Variants in GOLGA3 observed in about 807,000 individuals in gnomAD.
GOLGA3 encodes the protein golgin subfamily A member 3.
GOLGA3 carries 75 observed loss-of-function variants against 169.4 expected under a neutral mutation model. That is an observed-to-expected ratio of 0.44 (90% CI 0.37 to 0.54). The LOEUF (loss-of-function observed/expected upper bound fraction) is 0.54. Among genes scored for constraint, GOLGA3 ranks in the 20% least tolerant of loss-of-function variants. The pLI, the probability that GOLGA3 is intolerant of heterozygous loss-of-function variation, is 0.00. For synonymous variants in GOLGA3, 824 were observed against 822.4 expected (o/e 1.00, Z -0.03); for missense variants, 1,899 against 1,930.0 (o/e 0.98, Z 0.30).
chr12:132,804,948 G>C lies in GOLGA3; in HGVS notation c.1365C>G (p.Cys455Trp). 6.2e-7 allele frequency: 1 copy of C among 1,613,340 alleles called. No individual in the cohort carries two copies. Among genetic ancestry groups the C allele is most frequent in the Non-Finnish European group, 8.5e-7 (1 of 1,179,980 alleles). ...LSTKLQAQVE[C>W]SHSSQQRQDS... ...CCTGCCGCTGCTGGCTGCTGTGGCTGCACTCCACCTGCGCCTGCAGCTTCG... is the reference window on the plus strand; with the variant it reads ...CCTGCCGCTGCTGGCTGCTGTGGCTCCACTCCACCTGCGCCTGCAGCTTCG... The change falls in exon 7 of 24, where the codon TGC becomes TGG. Residue 455 changes from cysteine (C) to tryptophan (W), a missense_variant. Physicochemically the swap from Cys to Trp is radical, Grantham distance 215. Coordinates refer to ENST00000450791, the MANE Select transcript of GOLGA3 (RefSeq NM_001389683.1). The surrounding 1 kb of genome is among the most constrained non-coding windows in gnomAD (Gnocchi z 4.1).
At position 132,769,057 on chromosome 12, in the gene GOLGA3, T is replaced by A. The variant is rs140188251; in HGVS notation, c.*4048A>T. 11 of 152,640 alleles carry A rather than the reference T, an allele frequency of 7.2e-5. No individual in the cohort carries two copies. Among genetic ancestry groups the A allele is most frequent in the African/African-American group, 2.7e-4 (11 of 41,470 alleles). 9.5% of individuals were successfully genotyped at this position (152,640 alleles called of 1,614,324 possible). A position where few individuals can be genotyped will look rare whatever the true frequency, so the allele number is the denominator to read the frequency against. On this transcript the variant is annotated 3_prime_UTR_variant, in exon 24 of 24. Coordinates refer to ENST00000450791, the MANE Select transcript of GOLGA3 (RefSeq NM_001389683.1). ...CCAAGAACAGCCACAACTTGAGGAC[T>A]CTCTTTTGTGAGGAAATTTTTAATA...
Position 132,769,675 on chromosome 12 carries a change from A to T in GOLGA3, c.*3430T>A, listed in dbSNP as rs2044811753. 6.6e-6 allele frequency: 1 copy of T among 152,216 alleles called. No homozygotes were observed. The highest frequency in any genetic ancestry group is 1.5e-5 in the Non-Finnish European group (1 of 68,038). The allele number at this position is 152,216 out of a possible 1,614,324, so 9.4% of individuals were successfully genotyped here. On this transcript the variant is annotated 3_prime_UTR_variant, in exon 24 of 24. Transcript: ENST00000450791. ...GTGAAGTGCCCTAGCCTGTTGTGAC[A>T]CACGGTGTGGGGATGAACACGCCGC... is the stretch of plus-strand genomic sequence containing the variant.
chr12:132,780,646 A>T, intron 18 of GOLGA3, 152 bp downstream of exon 18: 1 of 666,686 alleles, frequency 1.5e-6, no homozygotes, highest in Non-Finnish European at 2.7e-6. Context: ...GGACCAGAGC[A>T]GGTGCTCTGC....
At chr12:132,811,630 T>C (rs1471868209) in intron 4 of GOLGA3, among the ~76,000 whole-genome samples, 4 of 151,874 alleles carry the variant, frequency 2.6e-5, no homozygotes, top group Non-Finnish European at 5.9e-5. Context: ...CCGGCTAATT[T>C]TTTGTATTTT....
chr12:132,780,938 G>A lies in GOLGA3; in HGVS notation c.3466-24C>T, dbSNP rs768051554. 22 of 1,546,314 alleles carry A rather than the reference G, an allele frequency of 1.4e-5. No individual in the cohort carries two copies. In the South Asian group the frequency reaches 2.2e-4, roughly 16 times the overall value. On this transcript the variant is annotated intron_variant, in intron 17 of 23. Transcript: ENST00000450791. ...ACCTAGATCAGATTGCAGGAGGACA[G>A]ATAAGGAAGGACGTCGAATTACAAA...
chr12:132,791,857 C>T (rs1177338109), intron 11 of GOLGA3, among the ~76,000 whole-genome samples: 1 of 138,824 alleles, frequency 7.2e-6, no homozygotes, highest in African/African-American at 2.6e-5. Context: ...AGAGTTGTTA[C>T]ACTGAGGGCT....
rs2044843749 is a variant in GOLGA3 at position 132,770,311 on chromosome 12, G to A, written c.*2794C>T. 1 of 149,732 alleles carries A rather than the reference G, an allele frequency of 6.7e-6. No individual in the cohort carries two copies. Among genetic ancestry groups the A allele is most frequent in the Non-Finnish European group, 1.5e-5 (1 of 67,996 alleles). 9.3% of individuals were successfully genotyped at this position (149,732 alleles called of 1,614,324 possible). A position where few individuals can be genotyped will look rare whatever the true frequency, so the allele number is the denominator to read the frequency against. On this transcript the variant is annotated 3_prime_UTR_variant, in exon 24 of 24. Coordinates refer to ENST00000450791, the MANE Select transcript of GOLGA3 (RefSeq NM_001389683.1). Reference sequence around the variant, plus strand: ...GGAAGTGTCCGCGTGAACACGAGAGGCCTCAGATCCAGAAGCACAAGCCGT... The same window carrying A: ...GGAAGTGTCCGCGTGAACACGAGAGACCTCAGATCCAGAAGCACAAGCCGT...
intron 1 of GOLGA3, among the ~76,000 whole-genome samples, chr12:132,826,907 A>G (rs1334561097): frequency 6.6e-6 from 1 of 152,220 alleles, no homozygotes; most frequent in African/African-American, 2.4e-5. Context: ...ACATGGCTCT[A>G]TTTTAAATAA....
intron 1 of GOLGA3, among the ~76,000 whole-genome samples, chr12:132,824,170 C>T (rs1301949908): frequency 6.6e-6 from 1 of 152,216 alleles, no homozygotes; most frequent in Non-Finnish European, 1.5e-5. Context: ...CAGGACGTGC[C>T]TGTCTTTCTA....
At chr12:132,828,393 G>A (rs961274019) in intron 1 of GOLGA3, 3 of 152,380 alleles carry the variant, frequency 2.0e-5, no homozygotes, top group African/African-American at 7.2e-5. Flanking sequence ...CAGCGACAAA[G>A]ACAAACAAGG....
rs983937340 is a variant in GOLGA3 at position 132,813,155 on chromosome 12, A to C, written c.519+152T>G. The C allele has an allele frequency of 2.1e-5, 13 of 618,216 alleles. No individual in the cohort carries two copies. In the African/African-American group the frequency reaches 2.4e-4, roughly 11 times the overall value. The allele number at this position is 618,216 out of a possible 1,614,324, so 38.3% of individuals were successfully genotyped here. ...CCCGTGTTTGCTTTCTTTGCTTTTC[A>C]ATTGGCAGATTTAGAAATAAAATGT... On this transcript the variant is annotated intron_variant, in intron 4 of 23. Coordinates refer to ENST00000450791, the MANE Select transcript of GOLGA3 (RefSeq NM_001389683.1).
At chr12:132,789,556 G>A (rs73487190) in intron 12 of GOLGA3, among the ~76,000 whole-genome samples, 43 of 152,348 alleles carry the variant, frequency 2.8e-4, no homozygotes, top group African/African-American at 9.1e-4. Context: ...ATTCCAAGGA[G>A]TCTGGCTCTC....
intron 1 of GOLGA3, among the ~76,000 whole-genome samples, chr12:132,826,502 C>T (rs1950421791): frequency 6.6e-6 from 1 of 151,848 alleles, no homozygotes; most frequent in South Asian, 2.1e-4. Flanking sequence ...AACATGGTGA[C>T]AGCCAACCGC....
chr12:132,795,397 T>C (rs7133384), intron 11 of GOLGA3, among the ~76,000 whole-genome samples: 99,730 of 149,844 alleles, frequency 0.67, 33,465 homozygotes, highest in East Asian at 0.8. Flanking sequence ...GAGACTGAGG[T>C]GGGCGGATCA....
Position 132,804,803 on chromosome 12 carries a change from C to A in GOLGA3, c.1510G>T (p.Asp504Tyr). 2 of 1,614,212 alleles carry A rather than the reference C, an allele frequency of 1.2e-6. No individual in the cohort carries two copies. Among genetic ancestry groups the A allele is most frequent in the Non-Finnish European group, 8.5e-7 (1 of 1,180,034 alleles). ...KNASLASSNN[D>Y]LQVAEEQYQR... is the part of the protein sequence containing the mutation. ...TACTGCTCCTCGGCCACCTGCAAGT[C>A]GTTGTTGGACGACGCCAGGCTGGCA... Residue 504 changes from aspartate (D) to tyrosine (Y), a missense_variant, in exon 7 of 24, where the codon GAC becomes TAC. Physicochemically the swap from Asp to Tyr is radical, Grantham distance 160. Coordinates refer to ENST00000450791, the MANE Select transcript of GOLGA3 (RefSeq NM_001389683.1). The surrounding 1 kb of genome is among the most constrained non-coding windows in gnomAD (Gnocchi z 4.1).
intron 8 of GOLGA3, among the ~76,000 whole-genome samples, chr12:132,798,778 C>A (rs1480206855): frequency 6.6e-6 from 1 of 152,130 alleles, no homozygotes; most frequent in Non-Finnish European, 1.5e-5. Flanking sequence ...CATCTCTGAG[C>A]CCCTGTGGGT....
chr12:132,772,558 A>AC lies in GOLGA3; in HGVS notation c.*546_*547insG, dbSNP rs1389744118. The AC allele has an allele frequency of 3.3e-5, 5 of 151,874 alleles. No individual in the cohort carries two copies. The highest frequency in any genetic ancestry group is 2.9e-5 in the Non-Finnish European group (2 of 67,990). The allele number at this position is 151,874 out of a possible 1,614,324, so 9.4% of individuals were successfully genotyped here. On this transcript the variant is annotated 3_prime_UTR_variant, in exon 24 of 24. Transcript: ENST00000450791. ...GACTCTGTCTCAAAAAAAAAAAAAA[A>AC]AAAAAAACAAAGATTGGATTATGAT...
Position 132,787,811 on chromosome 12 carries a change from AG to A in GOLGA3, c.2812-1025del, listed in dbSNP as rs869070864. Reference sequence around the variant, plus strand: ...CGGAGACCACGGGACCCCTCCCCGGAGACCCCGGGACCCCTCCCCGGAGACC... The same window carrying A: ...CGGAGACCACGGGACCCCTCCCCGGAACCCCGGGACCCCTCCCCGGAGACC... On this transcript the variant is annotated intron_variant, in intron 13 of 23. Transcript: ENST00000450791. Among the ~76,000 whole-genome samples the A allele has an allele frequency of 1.2e-4, 6 of 51,192 alleles. 1 individual carries two copies. The highest frequency in any genetic ancestry group is 1.0e-3 in the East Asian group (2 of 1,960). 33.6% of individuals were successfully genotyped at this position (51,192 alleles called of 152,430 possible). A position where few individuals can be genotyped will look rare whatever the true frequency, so the allele number is the denominator to read the frequency against.
chr12:132,816,444 C>A, intron 3 of GOLGA3, 96 bp downstream of exon 3: 1 of 1,314,422 alleles, frequency 7.6e-7, no homozygotes, highest in Non-Finnish European at 1.1e-6. Flanking sequence ...CACAGGCACA[C>A]AACAGCTCAG....
Sources: allele counts gnomAD v4.1 joint callset (sites outside exome capture counted in the v4.1 genomes callset), GRCh38; gene constraint gnomAD v4.1.1; non-coding constraint Gnocchi (gnomAD v3.1); transcripts MANE v1.5; gene names NCBI Gene and HGNC (gene_info 2026-07-23, HGNC 2026-07-21).